Variants in DCTN5 observed in about 807,000 individuals in gnomAD.
The protein encoded by DCTN5 is dynactin 4.
In DCTN5, 14 loss-of-function variants were observed where a neutral mutation model predicts 23.5. The ratio of observed to expected loss-of-function variants is 0.60; its 90% CI spans 0.39 to 0.93. DCTN5 has a LOEUF of 0.93. Among genes scored for constraint, DCTN5 ranks in the 40% least tolerant of loss-of-function variants. The probability of loss-of-function intolerance (pLI) is 0.00; values close to 1 mark genes in which losing one functional copy is unlikely to be tolerated. For synonymous variants in DCTN5, 67 were observed against 79.6 expected (o/e 0.84, Z 0.84); for missense variants, 156 against 225.9 (o/e 0.69, Z 1.98).
At chr16:23,657,516 C>G (rs1368996677) in intron 2 of DCTN5, 2 of 423,590 alleles carry the variant, frequency 4.7e-6, no homozygotes, top group Admixed American at 2.6e-5. Context: ...TCTCGGCTCA[C>G]TGCAACCTCC....
chr16:23,656,689 G>A (rs1597120137), intron 2 of DCTN5, among the ~76,000 whole-genome samples: 1 of 151,518 alleles, frequency 6.6e-6, no homozygotes, highest in Admixed American at 6.6e-5. Context: ...CTTTCTATAT[G>A]TACAGTTATT....
In DCTN5 at chr16:23,645,124, TATA is replaced by T. The variant is rs1567228483; in HGVS notation, c.117+2102_117+2104del. On this transcript the variant is annotated intron_variant, in intron 2 of 5. Coordinates refer to ENST00000300087, the MANE Select transcript of DCTN5 (RefSeq NM_032486.4). ...ATATATATATATATATATATATATA[TATA>T]TATATATATATTTTTTTTTTTTTTA... Among the ~76,000 whole-genome samples, 48 of 39,940 alleles carry T rather than the reference TATA, an allele frequency of 1.2e-3. 2 individuals are homozygous for T. Among genetic ancestry groups the T allele is most frequent in the African/African-American group, 4.1e-3 (36 of 8,750 alleles). The allele number at this position is 39,940 out of a possible 152,430, so 26.2% of individuals were successfully genotyped here. A position where few individuals can be genotyped will look rare whatever the true frequency, so the allele number is the denominator to read the frequency against.
At chr16:23,653,964 G>C (rs1033702808) in intron 2 of DCTN5, among the ~76,000 whole-genome samples, 3 of 152,130 alleles carry the variant, frequency 2.0e-5, no homozygotes, top group Non-Finnish European at 4.4e-5. Context: ...CATTAGAGAA[G>C]TGCAAATCAA....
intron 2 of DCTN5, among the ~76,000 whole-genome samples, chr16:23,651,799 C>T (rs1037323068): frequency 7.2e-5 from 11 of 152,236 alleles, no homozygotes; most frequent in Non-Finnish European, 1.5e-4. Flanking sequence ...CCAAGGCAGG[C>T]GGAGGCGGGC....
In DCTN5 at chr16:23,673,377, G is replaced by A. The variant is rs1325601291; in HGVS notation, c.*6233G>A. 1 of 152,168 alleles carries A rather than the reference G, an allele frequency of 6.6e-6. No individual in the cohort carries two copies. Among genetic ancestry groups the A allele is most frequent in the Non-Finnish European group, 1.5e-5 (1 of 68,038 alleles). 9.4% of individuals were successfully genotyped at this position (152,168 alleles called of 1,614,324 possible). On this transcript the variant is annotated 3_prime_UTR_variant, in exon 6 of 6. Transcript: ENST00000300087. Reference sequence around the variant, plus strand: ...CGATCTTGGCCTCCCTAAGTGCTGGGATTACAGTCATGAGCCACTGTGCCC... The same window carrying A: ...CGATCTTGGCCTCCCTAAGTGCTGGAATTACAGTCATGAGCCACTGTGCCC...
At chr16:23,662,127 A>G (rs1597123792) in intron 4 of DCTN5, among the ~76,000 whole-genome samples, 1 of 152,004 alleles carries the variant, frequency 6.6e-6, no homozygotes, top group Admixed American at 6.6e-5. Flanking sequence ...AAACCCAGGC[A>G]ATATGATTAT....
In DCTN5 at chr16:23,668,322, A is replaced by C. The variant is rs1967943103; in HGVS notation, c.*1178A>C. On this transcript the variant is annotated 3_prime_UTR_variant, in exon 6 of 6. Transcript: ENST00000300087. ...CTTAATATCCAGTTGTGGGGTTTGC[A>C]AAACAAAACAGCTGTATGTAATCAT... 6.6e-6 allele frequency: 1 copy of C among 152,256 alleles called. No individual in the cohort carries two copies. The highest frequency in any genetic ancestry group is 1.5e-5 in the Non-Finnish European group (1 of 68,052). The allele number at this position is 152,256 out of a possible 1,614,324, so 9.4% of individuals were successfully genotyped here. A position where few individuals can be genotyped will look rare whatever the true frequency, so the allele number is the denominator to read the frequency against.
At position 23,657,712 on chromosome 16, in the gene DCTN5, G is replaced by A. The variant is rs1967734590; in HGVS notation, c.118-795G>A. On this transcript the variant is annotated intron_variant, in intron 2 of 5. Coordinates refer to ENST00000300087, the MANE Select transcript of DCTN5 (RefSeq NM_032486.4). ...CTGCTTCGGCCTCCCAAAGTGTTGG[G>A]ATTACAGGCGTAAGCTACCGCACCT... The A allele has an allele frequency of 4.7e-5, 10 of 212,904 alleles. No homozygotes were observed. The South Asian group carries it at 5.0e-4, about 11-fold the overall frequency. The allele number at this position is 212,904 out of a possible 1,614,324, so 13.2% of individuals were successfully genotyped here.
chr16:23,642,207 A>G (rs1397732841), intron 1 of DCTN5, among the ~76,000 whole-genome samples: 1 of 152,170 alleles, frequency 6.6e-6, no homozygotes, highest in Non-Finnish European at 1.5e-5. Context: ...TGCTGGCATT[A>G]CAGGCGTGAG....
chr16:23,674,295 A>T lies in DCTN5; in HGVS notation c.*7151A>T, dbSNP rs1968057482. 2 of 152,202 alleles carry T rather than the reference A, an allele frequency of 1.3e-5. No homozygotes were observed. Among genetic ancestry groups the T allele is most frequent in the African/African-American group, 4.8e-5 (2 of 41,452 alleles). The allele number at this position is 152,202 out of a possible 1,614,324, so 9.4% of individuals were successfully genotyped here. On this transcript the variant is annotated 3_prime_UTR_variant, in exon 6 of 6. Transcript: ENST00000300087. ...CCTGGAACCTGGCTGAAAAGGGCTT[A>T]TTCTCTAATGGGACCATCTAAGATC...
chr16:23,645,344 C>T (rs1458253539), intron 2 of DCTN5, among the ~76,000 whole-genome samples: 2 of 150,664 alleles, frequency 1.3e-5, no homozygotes, highest in African/African-American at 4.9e-5. Flanking sequence ...AGGCTGGTCT[C>T]GAACTCCCGA....
intron 2 of DCTN5, among the ~76,000 whole-genome samples, chr16:23,651,951 C>G (rs1967613907): frequency 6.6e-6 from 1 of 152,216 alleles, no homozygotes; most frequent in Admixed American, 6.5e-5. Context: ...AAGAGAATCA[C>G]TTGAACCTGG....
intron 2 of DCTN5, among the ~76,000 whole-genome samples, chr16:23,658,001 G>A: frequency 6.6e-6 from 1 of 152,206 alleles, no homozygotes; most frequent in East Asian, 1.9e-4. Flanking sequence ...TTCTGGGGAA[G>A]CCACGCCTTA....
chr16:23,650,255 C>T (rs1396342312), intron 2 of DCTN5, among the ~76,000 whole-genome samples: 2 of 152,114 alleles, frequency 1.3e-5, no homozygotes, highest in Non-Finnish European at 2.9e-5. Context: ...GTTAAGATTG[C>T]ATTGAGTCTG....
Position 23,673,865 on chromosome 16 carries a change from T to C in DCTN5, c.*6721T>C, listed in dbSNP as rs1968051188. 1 of 152,228 alleles carries C rather than the reference T, an allele frequency of 6.6e-6. No individual in the cohort carries two copies. The highest frequency in any genetic ancestry group is 2.4e-5 in the African/African-American group (1 of 41,450). The allele number at this position is 152,228 out of a possible 1,614,324, so 9.4% of individuals were successfully genotyped here. ...TCTGTTTGGAAAATGAAAATACAGTTAAATTGCTAATGAACCCTTGTCAAA... is the reference window on the plus strand; with the variant it reads ...TCTGTTTGGAAAATGAAAATACAGTCAAATTGCTAATGAACCCTTGTCAAA... On this transcript the variant is annotated 3_prime_UTR_variant, in exon 6 of 6. Transcript: ENST00000300087.
rs1967416483 is a variant in DCTN5, at chr16:23,645,118, TATATATATATA to T, written c.117+2096_117+2106del. 1.1e-3 allele frequency among the ~76,000 whole-genome samples: 45 copies of T among 42,498 alleles called. 1 individual carries two copies. The highest frequency in any genetic ancestry group is 1.4e-3 in the Non-Finnish European group (32 of 22,550). 27.9% of individuals were successfully genotyped at this position (42,498 alleles called of 152,430 possible). A position where few individuals can be genotyped will look rare whatever the true frequency, so the allele number is the denominator to read the frequency against. On this transcript the variant is annotated intron_variant, in intron 2 of 5. Coordinates refer to ENST00000300087, the MANE Select transcript of DCTN5 (RefSeq NM_032486.4). ...ATATATATATATATATATATATATATATATATATATATATATATATTTTTTTTTTTTTTAAT... is the reference window on the plus strand; with the variant it reads ...ATATATATATATATATATATATATATTATATATATTTTTTTTTTTTTTAAT...
intron 2 of DCTN5, among the ~76,000 whole-genome samples, chr16:23,656,439 T>C (rs2140981560): frequency 2.0e-5 from 3 of 152,286 alleles, no homozygotes; most frequent in Middle Eastern, 6.8e-3. Flanking sequence ...TCTCTTTTAA[T>C]CTGTAACAGT....
rs962519274 is a variant in DCTN5 at position 23,670,789 on chromosome 16, C to CT, written c.*3645_*3646insT. 3 of 152,164 alleles carry CT rather than the reference C, an allele frequency of 2.0e-5. No homozygotes were observed. The highest frequency in any genetic ancestry group is 7.2e-5 in the African/African-American group (3 of 41,420). The allele number at this position is 152,164 out of a possible 1,614,324, so 9.4% of individuals were successfully genotyped here. On this transcript the variant is annotated 3_prime_UTR_variant, in exon 6 of 6. Transcript: ENST00000300087. ...GATAACTGAAACACTTCTAGAGCCC[C>CT]CCAGCAATGGGCTTGTGCTTTTAGT...
At position 23,676,874 on chromosome 16, in the gene DCTN5, G is replaced by A. The variant is rs1029137090; in HGVS notation, c.*9730G>A. 2 of 152,204 alleles carry A rather than the reference G, an allele frequency of 1.3e-5. No homozygotes were observed. The highest frequency in any genetic ancestry group is 4.8e-5 in the African/African-American group (2 of 41,446). 9.4% of individuals were successfully genotyped at this position (152,204 alleles called of 1,614,324 possible). A position where few individuals can be genotyped will look rare whatever the true frequency, so the allele number is the denominator to read the frequency against. Reference sequence around the variant, plus strand: ...CATTACTCCCTAAATGATAAGAGTGGCTCACTGTGCCTAAACTGTTCGTAC... The same window carrying A: ...CATTACTCCCTAAATGATAAGAGTGACTCACTGTGCCTAAACTGTTCGTAC... On this transcript the variant is annotated 3_prime_UTR_variant, in exon 6 of 6. Coordinates refer to ENST00000300087, the MANE Select transcript of DCTN5 (RefSeq NM_032486.4).
Sources: gnomAD v4.1 joint callset for allele counts (sites outside exome capture counted in the v4.1 genomes callset) on GRCh38, gnomAD v4.1.1 for gene constraint, MANE v1.5 for transcripts, NCBI Gene and HGNC (gene_info 2026-07-23, HGNC 2026-07-21) for gene names.